GALNT8: variants seen among roughly 807,000 people sequenced by gnomAD.
GALNT8 encodes polypeptide N-acetylgalactosaminyltransferase 8, also known as probable polypeptide N-acetylgalactosaminyltransferase 8.
GALNT8 carries 66 observed loss-of-function variants against 62.7 expected under a neutral mutation model. The ratio of observed to expected loss-of-function variants is 1.05; its 90% CI spans 0.86 to 1.29. The LOEUF is 1.29. GALNT8 is among the 50% of genes most tolerant of loss of function. The probability of loss-of-function intolerance (pLI) is 0.00; values close to 1 mark genes in which losing one functional copy is unlikely to be tolerated. For missense variants in GALNT8, 771 were observed against 791.8 expected (o/e 0.97, Z 0.32); for synonymous variants, 288 against 294.3 (o/e 0.98, Z 0.22).
chr12:4,723,506 G>A (rs566027382), intron 1 of GALNT8, among the ~76,000 whole-genome samples: 13 of 152,266 alleles, frequency 8.5e-5, no homozygotes, highest in East Asian at 1.9e-4. Context: ...TCCTCAAGCC[G>A]TAAAATGGCA....
chr12:4,731,240 G>A (rs1054728075), intron 2 of GALNT8, among the ~76,000 whole-genome samples: 1 of 152,150 alleles, frequency 6.6e-6, no homozygotes, highest in African/African-American at 2.4e-5. Context: ...GTATTCATAA[G>A]TATTAAGTGT....
intron 2 of GALNT8, among the ~76,000 whole-genome samples, chr12:4,730,994 G>A (rs1946219629): frequency 6.6e-6 from 1 of 151,478 alleles, no homozygotes; most frequent in South Asian, 2.1e-4. Context: ...GACTACAGGC[G>A]CCCACCACCA....
rs189789872 is a variant in GALNT8, at chr12:4,731,923, T to C, written c.509+5094T>C. Among the ~76,000 whole-genome samples the C allele has an allele frequency of 5.4e-4, 82 of 152,204 alleles. 1 individual carries two copies. Among genetic ancestry groups the C allele is most frequent in the African/African-American group, 1.9e-3 (77 of 41,518 alleles). On this transcript the variant is annotated intron_variant, in intron 2 of 10. Coordinates refer to ENST00000252318, the MANE Select transcript of GALNT8 (RefSeq NM_017417.2). ...ACAATTTGCAGAGCCCAGTGCAAAA[T>C]GAAAATGAGGGACCTTCATTAAAAA...
At chr12:4,740,760 G>C (rs1033668731) in intron 3 of GALNT8, among the ~76,000 whole-genome samples, 1 of 152,140 alleles carries the variant, frequency 6.6e-6, no homozygotes, top group African/African-American at 2.4e-5. Flanking sequence ...AACCCTATGA[G>C]GAAGGAATCA....
chr12:4,722,895 G>A (rs762391299), intron 1 of GALNT8, among the ~76,000 whole-genome samples: 3 of 152,004 alleles, frequency 2.0e-5, no homozygotes, highest in Non-Finnish European at 4.4e-5. Flanking sequence ...AGATGAGAGA[G>A]GAGAAAAGAG....
At chr12:4,731,122 C>T (rs563180673) in intron 2 of GALNT8, among the ~76,000 whole-genome samples, 3 of 152,136 alleles carry the variant, frequency 2.0e-5, no homozygotes, top group Non-Finnish European at 4.4e-5. Flanking sequence ...AAGCGTGAGC[C>T]ACCGCCCCCG....
intron 6 of GALNT8, among the ~76,000 whole-genome samples, chr12:4,758,457 A>G (rs1372414577): frequency 6.6e-6 from 1 of 152,194 alleles, no homozygotes; most frequent in Non-Finnish European, 1.5e-5. Flanking sequence ...TCCTGGGCTC[A>G]CAATGCAGCT....
rs1946313237 is a variant in GALNT8 at position 4,749,333 on chromosome 12, A to G, written c.1173+3075A>G. Among the ~76,000 whole-genome samples, 3 of 152,010 alleles carry G rather than the reference A, an allele frequency of 2.0e-5. No individual in the cohort carries two copies. The highest frequency in any genetic ancestry group is 2.0e-4 in the Admixed American group (3 of 15,244). The stretch of plus-strand genomic sequence containing the variant: ...TTATGTTAAGGTATGTTTCTTCTAT[A>G]CTTAGTTTTTTGAGGGGTTTTAAAT... On this transcript the variant is annotated intron_variant, in intron 6 of 10. Coordinates refer to ENST00000252318, the MANE Select transcript of GALNT8 (RefSeq NM_017417.2). The surrounding 1 kb of genome is among the most constrained non-coding windows in gnomAD (Gnocchi z 4.1).
rs886976852 is a variant in GALNT8, at chr12:4,749,922, A to G, written c.1173+3664A>G. On this transcript the variant is annotated intron_variant, in intron 6 of 10. Coordinates refer to ENST00000252318, the MANE Select transcript of GALNT8 (RefSeq NM_017417.2). The surrounding 1 kb of genome is among the most constrained non-coding windows in gnomAD (Gnocchi z 4.1). ...GTTCAATGTGTCTAGGAATTTGTCC[A>G]TTTCTTCTAGATTTTCCAACTTGTT... Among the ~76,000 whole-genome samples the G allele has an allele frequency of 1.3e-5, 2 of 152,102 alleles. No homozygotes were observed. The highest frequency in any genetic ancestry group is 1.9e-4 in the East Asian group (1 of 5,170).
chr12:4,769,564 T>G (rs1370790772), intron 10 of GALNT8, among the ~76,000 whole-genome samples: 3 of 152,136 alleles, frequency 2.0e-5, no homozygotes. Context: ...ATTCAAATGA[T>G]GTTCTCAAGA....
At chr12:4,735,477 C>T (rs1240900812) in intron 2 of GALNT8, among the ~76,000 whole-genome samples, 2 of 152,142 alleles carry the variant, frequency 1.3e-5, no homozygotes, top group East Asian at 3.9e-4. Flanking sequence ...TGGTATCACC[C>T]CAGGAAGGGC....
intron 3 of GALNT8, among the ~76,000 whole-genome samples, chr12:4,742,576 T>G (rs1946276692): frequency 6.6e-6 from 1 of 152,086 alleles, no homozygotes; most frequent in Non-Finnish European, 1.5e-5. Flanking sequence ...ACAAACCGAG[T>G]GAACCGTCAG....
intron 6 of GALNT8, among the ~76,000 whole-genome samples, chr12:4,748,476 C>T (rs1405311618): frequency 6.6e-6 from 1 of 152,064 alleles, no homozygotes; most frequent in Non-Finnish European, 1.5e-5. Flanking sequence ...ATTGAAGAGA[C>T]TGTCTTTTCC....
At chr12:4,758,786 T>C (rs1946358613) in intron 6 of GALNT8, among the ~76,000 whole-genome samples, 1 of 151,956 alleles carries the variant, frequency 6.6e-6, no homozygotes, top group Non-Finnish European at 1.5e-5. Flanking sequence ...CTTTTTTTTT[T>C]TTTCTTTTGA....
intron 2 of GALNT8, among the ~76,000 whole-genome samples, chr12:4,728,172 A>G (rs1946204819): frequency 6.6e-6 from 1 of 151,410 alleles, no homozygotes; most frequent in African/African-American, 2.4e-5. Flanking sequence ...TTCTTTGGAG[A>G]AATGTCTATT....
chr12:4,772,634 G>A lies in GALNT8; in HGVS notation c.*37G>A, dbSNP rs1946431027. Reference sequence around the variant, plus strand: ...TGCTGGATCTGGGTCATCAATTCTTGCAAGTGGAATGGCTTCTACTCCTAA... The same window carrying A: ...TGCTGGATCTGGGTCATCAATTCTTACAAGTGGAATGGCTTCTACTCCTAA... On this transcript the variant is annotated 3_prime_UTR_variant, in exon 11 of 11. Coordinates refer to ENST00000252318, the MANE Select transcript of GALNT8 (RefSeq NM_017417.2). 6.5e-7 allele frequency: 1 copy of A among 1,530,256 alleles called. No homozygotes were observed. The highest frequency in any genetic ancestry group is 9.0e-7 in the Non-Finnish European group (1 of 1,106,212). 94.8% of individuals were successfully genotyped at this position (1,530,256 alleles called of 1,614,324 possible).
At chr12:4,761,870 C>T (rs1946374726) in intron 7 of GALNT8, among the ~76,000 whole-genome samples, 1 of 152,158 alleles carries the variant, frequency 6.6e-6, no homozygotes, top group Non-Finnish European at 1.5e-5. Context: ...CATTGACAAA[C>T]TCATCCCTCC....
Position 4,726,050 on chromosome 12 carries a change from G to T in GALNT8, c.212-482G>T, listed in dbSNP as rs1946194059. Among the ~76,000 whole-genome samples the T allele has an allele frequency of 6.6e-6, 1 of 152,104 alleles. No homozygotes were observed. The highest frequency in any genetic ancestry group is 2.1e-4 in the South Asian group (1 of 4,818). ...TGTTTCTTAAGTTTTACTGTAAAAA[G>T]AATTACTCCTTGGTTTTATTAAAAA... is the stretch of plus-strand genomic sequence containing the variant. On this transcript the variant is annotated intron_variant, in intron 1 of 10. Coordinates refer to ENST00000252318, the MANE Select transcript of GALNT8 (RefSeq NM_017417.2). The surrounding 1 kb of genome is among the most constrained non-coding windows in gnomAD (Gnocchi z 4.1).
chr12:4,765,676 G>A, intron 10 of GALNT8, 130 bp downstream of exon 10: 1 of 640,984 alleles, frequency 1.6e-6, no homozygotes, highest in Non-Finnish European at 2.6e-6. Flanking sequence ...ACAGAAAAGA[G>A]ATTTGGGTTG....
Sources: gnomAD v4.1 joint callset for allele counts (sites outside exome capture counted in the v4.1 genomes callset) on GRCh38, gnomAD v4.1.1 for gene constraint, Gnocchi (gnomAD v3.1) non-coding constraint, MANE v1.5 for transcripts, NCBI Gene and HGNC (gene_info 2026-07-23, HGNC 2026-07-21) for gene names.